RNF180: variants seen among roughly 807,000 people sequenced by gnomAD.
RNF180 encodes E3 ubiquitin-protein ligase RNF180.
In RNF180, 38 loss-of-function variants were observed where a neutral mutation model predicts 59.2. That is an observed-to-expected ratio of 0.64 (90% confidence interval 0.50 to 0.84). The LOEUF is 0.84. Among genes scored for constraint, RNF180 ranks in the 40% least tolerant of loss-of-function variants. RNF180 has a pLI of 0.00. For missense variants in RNF180, 705 were observed against 700.9 expected, an observed-to-expected ratio of 1.01 and a Z score of -0.07; for synonymous variants, 262 against 240.3, an observed-to-expected ratio of 1.09 and a Z score of -0.84.
rs144308027 is a variant in RNF180, at chr5:64,365,182, G to A, written c.1580-4433G>A. Among the ~76,000 whole-genome samples the A allele has an allele frequency of 4.0e-4, 60 of 151,288 alleles. 1 individual carries two copies. Among genetic ancestry groups the A allele is most frequent in the Admixed American group, 3.0e-3 (45 of 15,106 alleles). On this transcript the variant is annotated intron_variant, in intron 7 of 7. Coordinates refer to ENST00000389100, the MANE Select transcript of RNF180 (RefSeq NM_001113561.2). Reference sequence around the variant, plus strand: ...ATCTTTCTAACTTTTTGATGTGGGTGTTTAGTGCTGTAAGTTTCCCTTTTA... The same window carrying A: ...ATCTTTCTAACTTTTTGATGTGGGTATTTAGTGCTGTAAGTTTCCCTTTTA...
chr5:64,342,861 A>G (rs1420637182), intron 7 of RNF180, among the ~76,000 whole-genome samples: 1 of 152,178 alleles, frequency 6.6e-6, no homozygotes, highest in Non-Finnish European at 1.5e-5. Context: ...AAGTCCCATT[A>G]AAGAAATGAG....
intron 7 of RNF180, among the ~76,000 whole-genome samples, chr5:64,362,053 TTTAA>T (rs1207460647): frequency 1.3e-5 from 2 of 151,454 alleles, no homozygotes; most frequent in Non-Finnish European, 3.0e-5. Flanking sequence ...TAAATTTATT[TTTAA>T]TTAAACTTAA....
intron 5 of RNF180, among the ~76,000 whole-genome samples, chr5:64,250,936 G>A (rs190669167): frequency 5.9e-5 from 9 of 152,134 alleles, no homozygotes; most frequent in East Asian, 1.9e-4. Flanking sequence ...TAAAGCTGAC[G>A]AACATAGATG....
intron 1 of RNF180, among the ~76,000 whole-genome samples, chr5:64,191,341 G>C (rs1751147744): frequency 6.6e-6 from 1 of 152,136 alleles, no homozygotes; most frequent in Non-Finnish European, 1.5e-5. Flanking sequence ...TATTCTTGGA[G>C]TTGTATAGTT....
At chr5:64,332,955 T>G (rs556644588) in intron 7 of RNF180, among the ~76,000 whole-genome samples, 2 of 152,108 alleles carry the variant, frequency 1.3e-5, no homozygotes, top group Non-Finnish European at 2.9e-5. Flanking sequence ...CAAAAGGAGA[T>G]AGAAGCAGAG....
At chr5:64,187,490 G>A (rs1750930193) in intron 1 of RNF180, among the ~76,000 whole-genome samples, 1 of 152,158 alleles carries the variant, frequency 6.6e-6, no homozygotes, top group South Asian at 2.1e-4. Flanking sequence ...TTCAAACACA[G>A]AAGTATGTAA....
chr5:64,354,280 C>T, intron 7 of RNF180, among the ~76,000 whole-genome samples: 1 of 151,578 alleles, frequency 6.6e-6, no homozygotes, highest in East Asian at 2.0e-4. Context: ...GACATTACTA[C>T]CACTTTTACA....
At chr5:64,239,113 A>G (rs908595601) in intron 5 of RNF180, among the ~76,000 whole-genome samples, 37 of 152,188 alleles carry the variant, frequency 2.4e-4, no homozygotes, top group Admixed American at 4.6e-4. Flanking sequence ...TAAGGAAAGT[A>G]TTTGAGTATT....
chr5:64,361,524 A>G (rs1001451475), intron 7 of RNF180, among the ~76,000 whole-genome samples: 1 of 151,464 alleles, frequency 6.6e-6, no homozygotes, highest in Non-Finnish European at 1.5e-5. Context: ...GAAGAGTACA[A>G]TTTTCACTGC....
chr5:64,184,944 C>A (rs1417977018), intron 1 of RNF180, among the ~76,000 whole-genome samples: 1 of 152,172 alleles, frequency 6.6e-6, no homozygotes, highest in Non-Finnish European at 1.5e-5. Flanking sequence ...CTTTAGAGAA[C>A]CATCCCACAT....
chr5:64,273,759 A>C (rs1196729596), intron 5 of RNF180, among the ~76,000 whole-genome samples: 1 of 151,986 alleles, frequency 6.6e-6, no homozygotes, highest in Non-Finnish European at 1.5e-5. Flanking sequence ...CACTGAAAGA[A>C]AAGGCACAAG....
intron 5 of RNF180, among the ~76,000 whole-genome samples, chr5:64,297,473 T>C (rs192765239): frequency 3.1e-3 from 470 of 152,168 alleles, no homozygotes; most frequent in African/African-American, 0.011. Flanking sequence ...TTTTGGTATT[T>C]TGTTGATTTT....
At chr5:64,321,008 A>G (rs1744316355) in intron 5 of RNF180, among the ~76,000 whole-genome samples, 1 of 152,020 alleles carries the variant, frequency 6.6e-6, no homozygotes, top group African/African-American at 2.4e-5. Flanking sequence ...ACTGCACTCT[A>G]ACCTGGGGAA....
At chr5:64,298,579 A>G (rs1743011553) in intron 5 of RNF180, among the ~76,000 whole-genome samples, 1 of 152,016 alleles carries the variant, frequency 6.6e-6, no homozygotes, top group Non-Finnish European at 1.5e-5. Flanking sequence ...AGCATACTAC[A>G]ATGGACTGAA....
chr5:64,203,036 T>G (rs1197329025), intron 2 of RNF180, among the ~76,000 whole-genome samples: 1 of 152,246 alleles, frequency 6.6e-6, no homozygotes, highest in Non-Finnish European at 1.5e-5. Flanking sequence ...TGGCTGATCC[T>G]TTTATTTACC....
At chr5:64,248,754 G>A (rs1192329467) in intron 5 of RNF180, among the ~76,000 whole-genome samples, 1 of 152,150 alleles carries the variant, frequency 6.6e-6, no homozygotes, top group East Asian at 1.9e-4. Context: ...TCTCATTGCT[G>A]TGTATATACT....
chr5:64,263,027 G>A (rs1744439204), intron 5 of RNF180, among the ~76,000 whole-genome samples: 1 of 152,176 alleles, frequency 6.6e-6, no homozygotes, highest in Non-Finnish European at 1.5e-5. Flanking sequence ...TAGCATTATA[G>A]CCAGACAGAT....
At chr5:64,354,609 T>C (rs1342058646) in intron 7 of RNF180, among the ~76,000 whole-genome samples, 2 of 151,802 alleles carry the variant, frequency 1.3e-5, no homozygotes, top group African/African-American at 4.8e-5. Context: ...AGGACAACAC[T>C]ACCTCAGTAT....
intron 5 of RNF180, among the ~76,000 whole-genome samples, chr5:64,284,532 G>A (rs887572349): frequency 5.9e-5 from 9 of 152,086 alleles, no homozygotes; most frequent in African/African-American, 2.2e-4. Flanking sequence ...TATCTCAGAG[G>A]TTTTGTTCAT....
Sources: gnomAD v4.1 joint callset for allele counts (sites outside exome capture counted in the v4.1 genomes callset) on GRCh38, gnomAD v4.1.1 for gene constraint, MANE v1.5 for transcripts, NCBI Gene and HGNC (gene_info 2026-07-23, HGNC 2026-07-21) for gene names.